HPSE2: variants seen among roughly 807,000 people sequenced by gnomAD.
HPSE2 encodes the protein inactive heparanase-2.
Under a neutral mutation model 60.5 loss-of-function variants are expected in HPSE2, and 38 were observed. The ratio of observed to expected loss-of-function variants is 0.63; its 90% confidence interval spans 0.48 to 0.82. HPSE2 has a LOEUF of 0.82. Among genes scored for constraint, HPSE2 ranks in the 40% least tolerant of loss-of-function variants. The pLI is 0.00. For synonymous variants in HPSE2, 295 were observed against 293.2 expected (o/e 1.01, Z -0.06); for missense variants, 713 against 740.4 (o/e 0.96, Z 0.43).
intron 11 of HPSE2, among the ~76,000 whole-genome samples, chr10:98,464,422 G>A (rs868319066): frequency 1.3e-5 from 2 of 152,290 alleles, no homozygotes; most frequent in South Asian, 2.1e-4. Flanking sequence ...CATTCTGTGC[G>A]GTGCTCCCTC....
At chr10:99,008,017 A>G in intron 3 of HPSE2, among the ~76,000 whole-genome samples, 1 of 152,236 alleles carries the variant, frequency 6.6e-6, no homozygotes, top group East Asian at 1.9e-4. Context: ...TGACTTAGGC[A>G]GTCCAAAAAG....
At chr10:99,019,001 A>G (rs901258174) in intron 3 of HPSE2, among the ~76,000 whole-genome samples, 13 of 152,210 alleles carry the variant, frequency 8.5e-5, no homozygotes, top group Admixed American at 6.5e-4. Flanking sequence ...TGCATACTCA[A>G]CATATGCAAA....
intron 9 of HPSE2, among the ~76,000 whole-genome samples, chr10:98,523,644 C>G (rs1942870161): frequency 6.6e-6 from 1 of 152,182 alleles, no homozygotes; most frequent in South Asian, 2.1e-4. Flanking sequence ...ACAAAATAAG[C>G]TGGATGGAAA....
chr10:99,290,237 T>C, the HPSE2 span, among the ~76,000 whole-genome samples: 559 of 152,214 alleles, frequency 3.7e-3, 3 homozygotes, highest in Middle Eastern at 0.017. Context: ...AGGGCAGATA[T>C]AATGGAGAAG....
chr10:98,754,562 A>G (rs1036204952), intron 3 of HPSE2, among the ~76,000 whole-genome samples: 3 of 151,584 alleles, frequency 2.0e-5, no homozygotes, highest in Non-Finnish European at 4.4e-5. Flanking sequence ...CAGTCATCAG[A>G]TTCTCCAAGG....
chr10:98,837,162 A>T (rs987913528), intron 3 of HPSE2, among the ~76,000 whole-genome samples: 1 of 152,264 alleles, frequency 6.6e-6, no homozygotes, highest in Non-Finnish European at 1.5e-5. Context: ...GAGGACTTTA[A>T]CCTATTCAAG....
At chr10:99,289,521 T>C in the HPSE2 span, among the ~76,000 whole-genome samples, 3 of 118,294 alleles carry the variant, frequency 2.5e-5, no homozygotes, top group East Asian at 2.3e-4. Flanking sequence ...GTCATCTTCT[T>C]GAAAGTTAAT....
At chr10:98,950,583 C>G (rs1955327891) in intron 3 of HPSE2, among the ~76,000 whole-genome samples, 1 of 152,170 alleles carries the variant, frequency 6.6e-6, no homozygotes, top group South Asian at 2.1e-4. Flanking sequence ...CTGACCATCT[C>G]TGTGGCTGCA....
intron 8 of HPSE2, among the ~76,000 whole-genome samples, chr10:98,616,120 T>C (rs951886490): frequency 1.3e-5 from 2 of 151,958 alleles, no homozygotes; most frequent in African/African-American, 4.8e-5. Context: ...GGCAGATTTC[T>C]TCTCATATAT....
At chr10:98,558,505 G>C (rs746168475) in intron 9 of HPSE2, among the ~76,000 whole-genome samples, 2 of 152,144 alleles carry the variant, frequency 1.3e-5, no homozygotes, top group African/African-American at 4.8e-5. Flanking sequence ...AAAAAATCCA[G>C]ACACAAAAAA....
chr10:98,580,357 C>CTGTTCTCTT (rs57112884), intron 9 of HPSE2, among the ~76,000 whole-genome samples: 85,073 of 151,144 alleles, frequency 0.56, 24,139 homozygotes, highest in Middle Eastern at 0.64. Context: ...TTTCTCTCCT[C>CTGTTCTCTT]TGTTCTCTCC....
At chr10:98,677,263 T>C (rs993406245) in intron 6 of HPSE2, among the ~76,000 whole-genome samples, 2 of 152,218 alleles carry the variant, frequency 1.3e-5, no homozygotes, top group African/African-American at 2.4e-5. Context: ...TCAGTAACTA[T>C]CTTTTGAATG....
chr10:98,851,989 T>A (rs1221973214), intron 3 of HPSE2, among the ~76,000 whole-genome samples: 1 of 68,344 alleles, frequency 1.5e-5, no homozygotes, highest in Non-Finnish European at 2.8e-5. Flanking sequence ...AGATTTATCA[T>A]GAATTCATGT....
intron 3 of HPSE2, among the ~76,000 whole-genome samples, chr10:99,132,506 G>C (rs891679650): frequency 3.9e-5 from 6 of 152,114 alleles, no homozygotes; most frequent in African/African-American, 1.4e-4. Context: ...GATCGATGCA[G>C]AAGGCAGGTG....
intron 6 of HPSE2, among the ~76,000 whole-genome samples, chr10:98,661,901 T>C (rs1190654996): frequency 1.3e-5 from 2 of 152,040 alleles, no homozygotes; most frequent in Non-Finnish European, 2.9e-5. Flanking sequence ...AATCTTCTTT[T>C]TGTTTATTTG....
intron 6 of HPSE2, among the ~76,000 whole-genome samples, chr10:98,670,807 T>C (rs1947486719): frequency 6.6e-6 from 1 of 152,236 alleles, no homozygotes; most frequent in African/African-American, 2.4e-5. Flanking sequence ...ATCCCCTAGA[T>C]TGCTCAATCA....
chr10:99,150,280 G>C (rs1478646300), intron 2 of HPSE2, among the ~76,000 whole-genome samples: 1 of 152,108 alleles, frequency 6.6e-6, no homozygotes, highest in Non-Finnish European at 1.5e-5. Flanking sequence ...AGCAGTGCTA[G>C]CCTAAGGTGG....
intron 6 of HPSE2, among the ~76,000 whole-genome samples, chr10:98,675,720 T>TCTAAGA (rs1947623836): frequency 6.6e-6 from 1 of 151,952 alleles, no homozygotes; most frequent in African/African-American, 2.4e-5. Context: ...GGTGACAGCA[T>TCTAAGA]AAGACCCCTA....
chr10:99,034,401 G>T (rs1430139139), intron 3 of HPSE2, among the ~76,000 whole-genome samples: 1 of 152,034 alleles, frequency 6.6e-6, no homozygotes, highest in Non-Finnish European at 1.5e-5. Flanking sequence ...GTGAATAATA[G>T]AACTGTTCTA....
Sources: allele counts gnomAD v4.1 joint callset (sites outside exome capture counted in the v4.1 genomes callset), GRCh38; gene constraint gnomAD v4.1.1; transcripts MANE v1.5; gene names NCBI Gene and HGNC (gene_info 2026-07-23, HGNC 2026-07-21).